The following COL4A6 variants were observed in gnomAD, a reference collection of about 807,000 sequenced individuals.
COL4A6 encodes the protein collagen alpha-6(IV) chain.
A neutral mutation model predicts 126.7 loss-of-function variants in COL4A6; 59 were observed. That is an observed-to-expected ratio of 0.47 (90% confidence interval 0.38 to 0.58). The LOEUF (loss-of-function observed/expected upper bound fraction) is 0.58. Ranked by LOEUF, COL4A6 falls within the 20% of genes least tolerant of loss-of-function variation. The pLI, the probability that COL4A6 is intolerant of heterozygous loss-of-function variation, is 0.00. For missense variants in COL4A6, 1,285 were observed against 1,337.3 expected (o/e 0.96, Z 0.61); for synonymous variants, 547 against 496.6 (o/e 1.10, Z -1.35).
intron 2 of COL4A6, among the ~76,000 whole-genome samples, chrX:108,384,972 T>C (rs1002185122): frequency 1.8e-5 from 2 of 111,332 alleles, no homozygotes; most frequent in African/African-American, 6.5e-5. Flanking sequence ...ACAGTTAGCA[T>C]GCCATCACTT....
intron 2 of COL4A6, chrX:108,383,448 C>T: frequency 2.0e-6 from 1 of 491,527 alleles, no homozygotes. Context: ...CCTGTGCCTC[C>T]TACAATGAGT....
At chrX:108,169,369 G>GA in intron 37 of COL4A6, 126 bp downstream of exon 37, 2 of 898,829 alleles carry the variant, frequency 2.2e-6, no homozygotes, top group Non-Finnish European at 3.1e-6. Flanking sequence ...ACTGGGTTGT[G>GA]AGACTCCCAG....
chrX:108,218,596 G>A (rs1027515529), intron 5 of COL4A6, among the ~76,000 whole-genome samples: 4 of 112,203 alleles, frequency 3.6e-5, no homozygotes, highest in Non-Finnish European at 5.6e-5. Context: ...AGAGCCACAT[G>A]ATTCCTCTGT....
At chrX:108,343,778 A>G (rs1201344057) in intron 2 of COL4A6, among the ~76,000 whole-genome samples, 1 of 95,913 alleles carries the variant, frequency 1.0e-5, no homozygotes, top group East Asian at 3.5e-4. Context: ...TTTGCCAGCT[A>G]TTTTTGGCTG....
At chrX:108,226,948 C>T (rs752387694) in intron 3 of COL4A6, among the ~76,000 whole-genome samples, 2 of 111,618 alleles carry the variant, frequency 1.8e-5, no homozygotes, top group Admixed American at 9.5e-5. Flanking sequence ...TCCAATCTTG[C>T]GTTACTCTCT....
At position 108,356,413 on chromosome X, in the gene COL4A6, C is replaced by A. The variant is rs750954912; in HGVS notation, c.64-45585G>T. ...GGAGGTGTTCAAACAATATAGGAATCTATGTTTAAGAGTTGGAATTTACAT... is the reference window on the plus strand; with the variant it reads ...GGAGGTGTTCAAACAATATAGGAATATATGTTTAAGAGTTGGAATTTACAT... On this transcript the variant is annotated intron_variant, in intron 2 of 44. Transcript: ENST00000334504. Among the ~76,000 whole-genome samples the A allele has an allele frequency of 1.6e-4, 18 of 111,096 alleles. No individual in the cohort carries two copies. The South Asian group carries it at 6.9e-3, about 43-fold the overall frequency.
At chrX:108,176,784 C>A (rs2034505267) in intron 28 of COL4A6, 57 bp downstream of exon 28, 3 of 1,112,611 alleles carry the variant, frequency 2.7e-6, no homozygotes. Context: ...GCAAGCTGCG[C>A]AGCTGAAATG....
Position 108,161,739 on chromosome X carries a change from C to A in COL4A6, c.4217-4G>T. 1 of 1,168,929 alleles carries A rather than the reference C, an allele frequency of 8.6e-7. No individual in the cohort carries two copies. Among genetic ancestry groups the A allele is most frequent in the Non-Finnish European group, 1.2e-6 (1 of 858,041 alleles). Reference sequence around the variant, plus strand: ...ATGCCAGGTAAACCTTTGGAGCCTGCAGGAGAGAAAGCCCAAAGGAGGGTA... The same window carrying A: ...ATGCCAGGTAAACCTTTGGAGCCTGAAGGAGAGAAAGCCCAAAGGAGGGTA... On this transcript the variant is annotated splice_polypyrimidine_tract_variant and splice_region_variant and intron_variant, in intron 41 of 44. Transcript: ENST00000334504.
intron 2 of COL4A6, among the ~76,000 whole-genome samples, chrX:108,384,754 TC>T (rs2040645352): frequency 3.6e-5 from 4 of 112,168 alleles, no homozygotes; most frequent in Admixed American, 9.5e-5. Context: ...TCTCAACTGC[TC>T]TCATTTTAAG....
At chrX:108,165,640 A>ATCCT (rs2034107487) in intron 37 of COL4A6, among the ~76,000 whole-genome samples, 154 bp from the exon 38 acceptor site, 1 of 111,780 alleles carries the variant, frequency 8.9e-6, no homozygotes, top group African/African-American at 3.3e-5. Context: ...TTCTTCCCTA[A>ATCCT]TCCTTCCTTC....
At chrX:108,281,015 A>G (rs1484747066) in intron 3 of COL4A6, among the ~76,000 whole-genome samples, 7 of 107,404 alleles carry the variant, frequency 6.5e-5, no homozygotes, top group Non-Finnish European at 1.3e-4. Context: ...AGAGCTATCT[A>G]TGACAAACCC....
chrX:108,415,987 T>C (rs1474789405), intron 2 of COL4A6, among the ~76,000 whole-genome samples: 2 of 112,215 alleles, frequency 1.8e-5, no homozygotes, highest in African/African-American at 3.2e-5. Flanking sequence ...ATATCTGCCA[T>C]AGGACTTGAG....
chrX:108,302,725 C>T (rs1482205727), intron 3 of COL4A6, among the ~76,000 whole-genome samples: 1 of 110,870 alleles, frequency 9.0e-6, no homozygotes, highest in Non-Finnish European at 1.9e-5. Flanking sequence ...CCCCACTCTT[C>T]CCTCAGGATA....
intron 2 of COL4A6, among the ~76,000 whole-genome samples, chrX:108,437,393 G>C (rs2064287410): frequency 9.0e-6 from 1 of 111,575 alleles, no homozygotes. Context: ...GCAGAAACGA[G>C]TAACACGACA....
At chrX:108,270,386 G>T (rs1342404930) in intron 3 of COL4A6, among the ~76,000 whole-genome samples, 2 of 112,905 alleles carry the variant, frequency 1.8e-5, no homozygotes, top group Non-Finnish European at 3.7e-5. Context: ...TGCTTTAAGA[G>T]GCATTCTATG....
At chrX:108,302,839 T>C (rs975313370) in intron 3 of COL4A6, among the ~76,000 whole-genome samples, 1 of 111,571 alleles carries the variant, frequency 9.0e-6, no homozygotes, top group East Asian at 2.8e-4. Context: ...AATAATAGTC[T>C]AATACATAGC....
chrX:108,193,259 C>T, intron 17 of COL4A6, among the ~76,000 whole-genome samples: 1 of 112,238 alleles, frequency 8.9e-6, no homozygotes, highest in South Asian at 3.7e-4. Context: ...CTCAAGCATA[C>T]ATGGAATCAC....
intron 20 of COL4A6, 46 bp downstream of exon 20, chrX:108,190,346 C>A: frequency 1.1e-6 from 1 of 949,950 alleles, no homozygotes; most frequent in Non-Finnish European, 1.5e-6. Context: ...AGGAAGCCTT[C>A]TCTAAGGAGT....
chrX:108,270,874 C>T (rs766515046), intron 3 of COL4A6, among the ~76,000 whole-genome samples: 16 of 110,758 alleles, frequency 1.4e-4, no homozygotes, highest in Non-Finnish European at 3.0e-4. Flanking sequence ...AAATTAGGGG[C>T]ACTAAGTCCC....
Sources: allele counts gnomAD v4.1 joint callset (sites outside exome capture counted in the v4.1 genomes callset), GRCh38; gene constraint gnomAD v4.1.1; transcripts MANE v1.5; gene names NCBI Gene and HGNC (gene_info 2026-07-23, HGNC 2026-07-21).